Variants in LYZL4 observed in about 807,000 individuals in gnomAD.
LYZL4 encodes lysozyme like 4, also known as lysozyme-like protein 4.
LYZL4 carries 13 observed loss-of-function variants against 17.6 expected under a neutral mutation model. The ratio of observed to expected loss-of-function variants is 0.74; its 90% confidence interval spans 0.48 to 1.18. The LOEUF (loss-of-function observed/expected upper bound fraction) is 1.18, where lower values mean the gene tolerates loss of function less well. Ranked by LOEUF, LYZL4 falls within the 50% of genes most tolerant of loss-of-function variation. The pLI is 0.00. For synonymous variants in LYZL4, 64 were observed against 67.7 expected, an observed-to-expected ratio of 0.95 and a Z score of 0.27; for missense variants, 174 against 188.2, an observed-to-expected ratio of 0.92 and a Z score of 0.44.
chr3:42,395,246 T>A (rs1418983613), downstream of LYZL4, among the ~76,000 whole-genome samples: 1 of 152,242 alleles, frequency 6.6e-6, no homozygotes, highest in African/African-American at 2.4e-5. Context: ...TGAATTGATT[T>A]GGATCTTGCC....
At chr3:42,393,351 A>AC (rs1045029441), downstream of LYZL4, among the ~76,000 whole-genome samples, 32 of 152,082 alleles carry the variant, frequency 2.1e-4, no homozygotes, top group Non-Finnish European at 3.7e-4. Flanking sequence ...ACACACACAC[A>AC]CACACACACA....
chr3:42,360,850 AT>A, the LYZL4 span, among the ~76,000 whole-genome samples: 2 of 151,996 alleles, frequency 1.3e-5, no homozygotes, highest in East Asian at 1.9e-4. Flanking sequence ...AGATGTCTGA[AT>A]TTTTTTCTTT....
chr3:42,397,408 C>G, intron 4 of LYZL4, 74 bp from the exon 5 acceptor site: 1 of 1,067,376 alleles, frequency 9.4e-7, no homozygotes, highest in South Asian at 1.4e-5. Flanking sequence ...CAGCCCCATT[C>G]AGGCCATTTA....
chr3:42,381,547 G>A, the LYZL4 span, among the ~76,000 whole-genome samples: 6 of 152,150 alleles, frequency 3.9e-5, no homozygotes, highest in South Asian at 2.1e-4. Context: ...GAAAGCCAGC[G>A]TTGAAACGAC....
At chr3:42,368,555 G>A in the LYZL4 span, among the ~76,000 whole-genome samples, 1 of 152,014 alleles carries the variant, frequency 6.6e-6, no homozygotes, top group African/African-American at 2.4e-5. Flanking sequence ...ATGTATTTAA[G>A]TGATTTCTTT....
downstream of LYZL4, among the ~76,000 whole-genome samples, chr3:42,395,139 C>T (rs893778451): frequency 2.0e-5 from 3 of 152,154 alleles, no homozygotes; most frequent in Admixed American, 6.5e-5. Flanking sequence ...GCTCAACAGT[C>T]GTTACTGAAC....
chr3:42,362,152 A>G, the LYZL4 span, among the ~76,000 whole-genome samples: 1 of 152,238 alleles, frequency 6.6e-6, no homozygotes, highest in Non-Finnish European at 1.5e-5. Context: ...AAGAAAAAAT[A>G]TTAATTGCTG....
chr3:42,371,609 C>T, the LYZL4 span, among the ~76,000 whole-genome samples: 2 of 152,124 alleles, frequency 1.3e-5, no homozygotes, highest in East Asian at 3.9e-4. Context: ...AACCACAGAC[C>T]AAATATTATT....
At chr3:42,396,179 A>G (rs945032804), downstream of LYZL4, among the ~76,000 whole-genome samples, 15 of 152,266 alleles carry the variant, frequency 9.9e-5, no homozygotes, top group African/African-American at 3.6e-4. Context: ...GAAGAACTAC[A>G]ACACCATGGT....
chr3:42,387,020 TCTG>T, the LYZL4 span, among the ~76,000 whole-genome samples: 3 of 152,230 alleles, frequency 2.0e-5, no homozygotes, highest in Non-Finnish European at 2.9e-5. Context: ...GTTTTATTTC[TCTG>T]CTAACTTCCA....
At chr3:42,398,228 T>C (rs934730619) in intron 4 of LYZL4, among the ~76,000 whole-genome samples, 3 of 152,178 alleles carry the variant, frequency 2.0e-5, no homozygotes, top group African/African-American at 7.2e-5. Context: ...TCCCTTCCTG[T>C]CTGCCCCAAC....
At chr3:42,391,135 G>T in the LYZL4 span, among the ~76,000 whole-genome samples, 1 of 152,122 alleles carries the variant, frequency 6.6e-6, no homozygotes, top group African/African-American at 2.4e-5. Flanking sequence ...TGAGCTATCT[G>T]GGCCCCTTTC....
chr3:42,387,730 A>G, the LYZL4 span, among the ~76,000 whole-genome samples: 1 of 152,210 alleles, frequency 6.6e-6, no homozygotes, highest in African/African-American at 2.4e-5. Context: ...TTCCAAGCTC[A>G]GAAATTCTGC....
At chr3:42,385,499 C>G in the LYZL4 span, among the ~76,000 whole-genome samples, 1 of 152,128 alleles carries the variant, frequency 6.6e-6, no homozygotes, top group Non-Finnish European at 1.5e-5. Context: ...AAATACATTC[C>G]GTGATATTCA....
chr3:42,366,272 A>G, the LYZL4 span, among the ~76,000 whole-genome samples: 1 of 152,128 alleles, frequency 6.6e-6, no homozygotes, highest in East Asian at 1.9e-4. Context: ...CTTTGACCTG[A>G]TCTTTTCAGA....
chr3:42,370,956 G>A, the LYZL4 span, among the ~76,000 whole-genome samples: 1 of 152,032 alleles, frequency 6.6e-6, no homozygotes, highest in East Asian at 1.9e-4. Context: ...AGGGAGCCTC[G>A]GCTGCATCCA....
At chr3:42,403,464 C>T (rs555262266) in intron 4 of LYZL4, among the ~76,000 whole-genome samples, 4 of 151,868 alleles carry the variant, frequency 2.6e-5, no homozygotes, top group South Asian at 2.1e-4. Flanking sequence ...TTAGTAGAGA[C>T]GAGGTTTTGC....
the LYZL4 span, among the ~76,000 whole-genome samples, chr3:42,391,593 A>C: frequency 4.6e-5 from 7 of 152,166 alleles, no homozygotes; most frequent in Non-Finnish European, 8.8e-5. Flanking sequence ...TATAATAAAC[A>C]TGCTTCCAAT....
chr3:42,376,077 A>T, the LYZL4 span, among the ~76,000 whole-genome samples: 1 of 152,180 alleles, frequency 6.6e-6, no homozygotes, highest in African/African-American at 2.4e-5. Flanking sequence ...TTCTACCCAC[A>T]TAAGGGCGAC....
Sources: allele counts gnomAD v4.1 joint callset (sites outside exome capture counted in the v4.1 genomes callset), GRCh38; gene constraint gnomAD v4.1.1; transcripts MANE v1.5; gene names NCBI Gene and HGNC (gene_info 2026-07-23, HGNC 2026-07-21).